CD34: variants seen among roughly 807,000 people sequenced by gnomAD.
CD34 encodes CD34 molecule.
Under a neutral mutation model 40.1 loss-of-function variants are expected in CD34, and 34 were observed. That is an observed-to-expected ratio of 0.85 (90% confidence interval 0.65 to 1.13). The LOEUF is 1.13. Ranked by LOEUF, CD34 falls within the 50% of genes most tolerant of loss-of-function variation. The pLI is 0.00. For synonymous variants in CD34, 209 were observed against 190.0 expected (o/e 1.10, Z -0.82); for missense variants, 426 against 466.9 (o/e 0.91, Z 0.81).
chr1:207,891,205 G>A (rs1217319806), intron 4 of CD34, among the ~76,000 whole-genome samples: 1 of 152,202 alleles, frequency 6.6e-6, no homozygotes, highest in Non-Finnish European at 1.5e-5. Flanking sequence ...CCTGCTGAGT[G>A]CAAGAAGCCA....
Position 207,909,118 on chromosome 1 carries a change from G to A in CD34, c.79+1884C>T, listed in dbSNP as rs142150568. On this transcript the variant is annotated intron_variant, in intron 1 of 7. Transcript: ENST00000310833. ...CATAAAACTACAATTGGCTCAAGTA[G>A]TCTGGCAAGGCTGGGAATGGGGCCT... is the stretch of plus-strand genomic sequence containing the variant. Among the ~76,000 whole-genome samples, 927 of 152,314 alleles carry A rather than the reference G, an allele frequency of 6.1e-3. 12 individuals carry two copies. Among genetic ancestry groups the A allele is most frequent in the African/African-American group, 0.021 (888 of 41,570 alleles).
intron 3 of CD34, among the ~76,000 whole-genome samples, chr1:207,898,326 T>G (rs1241393291): frequency 1.3e-5 from 2 of 152,158 alleles, no homozygotes; most frequent in Admixed American, 6.5e-5. Flanking sequence ...ATTACAGGCA[T>G]GAGCCACCAC....
chr1:207,887,812 T>C lies in CD34; in HGVS notation c.1084A>G (p.Asn362Asp). The C allele has an allele frequency of 6.2e-7, 1 of 1,614,170 alleles. No individual in the cohort carries two copies. The highest frequency in any genetic ancestry group is 8.5e-7 in the Non-Finnish European group (1 of 1,180,026). ...KASVNRGAQE[N>D]GTGQATSRNG... Reference sequence around the variant, plus strand: ...CTGGAGGTGGCCTGGCCGGTCCCGTTTTCCTGAGCCCCTCGGTTCACACTG... The same window carrying C: ...CTGGAGGTGGCCTGGCCGGTCCCGTCTTCCTGAGCCCCTCGGTTCACACTG... The change falls in exon 8 of 8, where the codon AAC becomes GAC. Residue 362 changes from asparagine (N) to aspartate (D), a missense_variant. Transcript: ENST00000310833.
intron 1 of CD34, among the ~76,000 whole-genome samples, chr1:207,910,412 G>C (rs1196148493): frequency 6.6e-6 from 1 of 152,162 alleles, no homozygotes; most frequent in Non-Finnish European, 1.5e-5. Context: ...CAAGGTTTTT[G>C]TTTGGTTGGT....
Position 207,882,991 on chromosome 1 carries a change from C to G in CD34, c.*4747G>C, listed in dbSNP as rs1444678302. The G allele has an allele frequency of 6.6e-6, 1 of 152,146 alleles. No homozygotes were observed. The highest frequency in any genetic ancestry group is 2.4e-5 in the African/African-American group (1 of 41,428). 9.4% of individuals were successfully genotyped at this position (152,146 alleles called of 1,614,324 possible). A position where few individuals can be genotyped will look rare whatever the true frequency, so the allele number is the denominator to read the frequency against. ...AAGGGACTATGTCTTATCCCAGGTG[C>G]CTGGCATAGTACCTGGCTTATAATA... is the stretch of plus-strand genomic sequence containing the variant. On this transcript the variant is annotated 3_prime_UTR_variant, in exon 8 of 8. Coordinates refer to ENST00000310833, the MANE Select transcript of CD34 (RefSeq NM_001025109.2).
In CD34 at chr1:207,889,472, G is replaced by T; in HGVS notation, c.747C>A (p.Asn249Lys). 1.4e-5 allele frequency: 23 copies of T among 1,611,968 alleles called. No individual in the cohort carries two copies. Among genetic ancestry groups the T allele is most frequent in the Non-Finnish European group, 2.0e-5 (23 of 1,178,772 alleles). Residue 249 changes from asparagine to lysine, a missense_variant, in exon 5 of 8, where the codon AAC (asparagine) becomes AAA (lysine). By Grantham distance (94) the Asn-to-Lys change is moderately conservative (BLOSUM62 0). Transcript: ENST00000310833. ...GGCAGAGGTGCACCTTACCTGTTCT[G>T]TTGGCCAAGACCAGCAGTAGACACT... is the stretch of plus-strand genomic sequence containing the variant. ...RPQCLLLVLA[N>K]RTEISSKLQL... is the part of the protein sequence containing the mutation.
intron 1 of CD34, among the ~76,000 whole-genome samples, chr1:207,910,042 A>G (rs781408354): frequency 3.3e-5 from 5 of 152,264 alleles, no homozygotes; most frequent in Non-Finnish European, 7.3e-5. Context: ...CAAAAGTTTC[A>G]AACCTTCCAA....
rs1182072843 is a variant in CD34 at position 207,887,929 on chromosome 1, C to G, written c.973-6G>C. On this transcript the variant is annotated splice_region_variant and splice_polypyrimidine_tract_variant and intron_variant, in intron 7 of 7. Coordinates refer to ENST00000310833, the MANE Select transcript of CD34 (RefSeq NM_001025109.2). ...GTGTAATAAGGGTCTTCGCCCTAGA[C>G]AGTGTATAAATAAAGTAGCATTATC... 1.9e-6 allele frequency: 3 copies of G among 1,609,498 alleles called. No homozygotes were observed. The highest frequency in any genetic ancestry group is 2.5e-6 in the Non-Finnish European group (3 of 1,178,908).
intron 1 of CD34, among the ~76,000 whole-genome samples, chr1:207,907,894 T>G (rs1403139210): frequency 6.6e-5 from 10 of 152,126 alleles, no homozygotes; most frequent in Non-Finnish European, 1.5e-4. Context: ...GAGGGTGGTG[T>G]TGTGTTCTTT....
chr1:207,905,363 T>C (rs1472699366), intron 1 of CD34, among the ~76,000 whole-genome samples: 1 of 152,256 alleles, frequency 6.6e-6, no homozygotes, highest in Non-Finnish European at 1.5e-5. Flanking sequence ...CTCAAACTCC[T>C]GACCTCAGGT....
intron 1 of CD34, among the ~76,000 whole-genome samples, chr1:207,903,269 C>A: frequency 6.6e-6 from 1 of 152,322 alleles, no homozygotes; most frequent in East Asian, 1.9e-4. Context: ...TGGCATTAAA[C>A]CATCAAACAC....
intron 6 of CD34, 122 bp downstream of exon 6, chr1:207,889,039 A>G: frequency 2.3e-6 from 2 of 877,740 alleles, no homozygotes; most frequent in Non-Finnish European, 3.8e-6. Flanking sequence ...CAAGACTAGA[A>G]AGGAGAAGAC....
chr1:207,891,562 AG>A (rs777112434), intron 4 of CD34, among the ~76,000 whole-genome samples: 62 of 151,742 alleles, frequency 4.1e-4, no homozygotes, highest in Non-Finnish European at 7.2e-4. Flanking sequence ...ATGCACTTAT[AG>A]TACCAGCTAC....
chr1:207,895,406 A>G (rs535271040), intron 4 of CD34, among the ~76,000 whole-genome samples: 6 of 152,186 alleles, frequency 3.9e-5, no homozygotes, highest in Non-Finnish European at 8.8e-5. Flanking sequence ...AAGCACTCAT[A>G]TGAGCTGCCA....
rs1322834264 is a variant in CD34, at chr1:207,881,690, T to C, written c.*6048A>G. 1 of 150,186 alleles carries C rather than the reference T, an allele frequency of 6.7e-6. No individual in the cohort carries two copies. Among genetic ancestry groups the C allele is most frequent in the African/African-American group, 2.4e-5 (1 of 40,834 alleles). The allele number at this position is 150,186 out of a possible 1,614,324, so 9.3% of individuals were successfully genotyped here. ...AAAAAAAAAAAAAAAAGAATCAGCA[T>C]TCTTCTCTTCAGCCAGATATTAGAG... On this transcript the variant is annotated 3_prime_UTR_variant, in exon 8 of 8. Transcript: ENST00000310833.
Position 207,887,119 on chromosome 1 carries a change from G to A in CD34, c.*619C>T, listed in dbSNP as rs3820521. 9,848 of 153,566 alleles carry A rather than the reference G, an allele frequency of 0.064. 635 individuals carry two copies. Among genetic ancestry groups the A allele is most frequent in the East Asian group, 0.29 (1,490 of 5,186 alleles). 9.5% of individuals were successfully genotyped at this position (153,566 alleles called of 1,614,324 possible). A position where few individuals can be genotyped will look rare whatever the true frequency, so the allele number is the denominator to read the frequency against. The stretch of plus-strand genomic sequence containing the variant: ...AGGCTCCAGCCAGAAAACTGTGCAG[G>A]ACTCTGCAAATGGTAGAGGGGGCAC... On this transcript the variant is annotated 3_prime_UTR_variant, in exon 8 of 8. Transcript: ENST00000310833.
chr1:207,888,916 CT>C lies in CD34; in HGVS notation c.808-71del. On this transcript the variant is annotated intron_variant, in intron 6 of 7. Coordinates refer to ENST00000310833, the MANE Select transcript of CD34 (RefSeq NM_001025109.2). ...GTGGAGCCCAGCCCGCTCCAGCCCT[CT>C]GTGTGTGACTCAACAGTGAACAGAT... The C allele has an allele frequency of 3.5e-6, 5 of 1,434,794 alleles. No homozygotes were observed. The South Asian group carries it at 3.6e-5, about 10-fold the overall frequency. 88.9% of individuals were successfully genotyped at this position (1,434,794 alleles called of 1,614,324 possible). A position where few individuals can be genotyped will look rare whatever the true frequency, so the allele number is the denominator to read the frequency against.
rs1283594250 is a variant in CD34, at chr1:207,897,718, A to G, written c.517-145T>C. On this transcript the variant is annotated intron_variant, in intron 3 of 7. Coordinates refer to ENST00000310833, the MANE Select transcript of CD34 (RefSeq NM_001025109.2). ...AGGAAAAGGACATTTAAAATTTGTC[A>G]GGGGACTAGAGATTTCTAATAGTCA... is the stretch of plus-strand genomic sequence containing the variant. The G allele has an allele frequency of 7.6e-6, 5 of 659,208 alleles. No individual in the cohort carries two copies. The East Asian group carries it at 1.4e-4, about 18-fold the overall frequency. The allele number at this position is 659,208 out of a possible 1,614,324, so 40.8% of individuals were successfully genotyped here.
In CD34 at chr1:207,899,235, G is replaced by T; in HGVS notation, c.263-9C>A. On this transcript the variant is annotated splice_polypyrimidine_tract_variant and intron_variant, in intron 2 of 7. Coordinates refer to ENST00000310833, the MANE Select transcript of CD34 (RefSeq NM_001025109.2). ...GAATTTGACTGTCGTTTCTGGAAGAGACCAAAACATGGGTGTGCATGTGTG... is the reference window on the plus strand; with the variant it reads ...GAATTTGACTGTCGTTTCTGGAAGATACCAAAACATGGGTGTGCATGTGTG... The T allele has an allele frequency of 1.2e-6, 2 of 1,613,654 alleles. No individual in the cohort carries two copies. Among genetic ancestry groups the T allele is most frequent in the South Asian group, 1.1e-5 (1 of 90,966 alleles).
Sources: allele counts gnomAD v4.1 joint callset (sites outside exome capture counted in the v4.1 genomes callset), GRCh38; gene constraint gnomAD v4.1.1; transcripts MANE v1.5; gene names NCBI Gene and HGNC (gene_info 2026-07-23, HGNC 2026-07-21).